Variants in FKBP15 observed in about 807,000 individuals in gnomAD.
FKBP15 encodes FK506-binding protein 15.
A neutral mutation model predicts 158.1 loss-of-function variants in FKBP15; 106 were observed. The observed-to-expected ratio is 0.67, with a 90% CI of 0.57 to 0.79. FKBP15 has a LOEUF of 0.79. Ranked by LOEUF, FKBP15 falls within the 30% of genes least tolerant of loss-of-function variation. FKBP15 has a pLI of 0.00. For missense variants in FKBP15, 1,287 were observed against 1,479.1 expected, an observed-to-expected ratio of 0.87 and a Z score of 2.13; for synonymous variants, 547 against 548.6, an observed-to-expected ratio of 1.00 and a Z score of 0.04.
chr9:113,191,690 T>A (rs1311197112), intron 11 of FKBP15, among the ~76,000 whole-genome samples: 1 of 149,216 alleles, frequency 6.7e-6, no homozygotes, highest in Non-Finnish European at 1.5e-5. Flanking sequence ...GCAAGGTGCA[T>A]TACATACAGA....
intron 14 of FKBP15, chr9:113,187,009 C>T (rs1377913464): frequency 1.3e-5 from 2 of 152,130 alleles, no homozygotes; most frequent in Admixed American, 1.3e-4. Context: ...GTAATTCTTC[C>T]TTGAAATAAG....
intron 2 of FKBP15, among the ~76,000 whole-genome samples, chr9:113,207,702 G>T (rs1391907167): frequency 1.4e-4 from 21 of 152,248 alleles, no homozygotes; most frequent in Admixed American, 5.9e-4. Context: ...AGTCAGTGTT[G>T]TAATGCTTTT....
At chr9:113,213,797 A>G (rs181158556) in intron 1 of FKBP15, among the ~76,000 whole-genome samples, 137 of 152,304 alleles carry the variant, frequency 9.0e-4, no homozygotes, top group African/African-American at 3.1e-3. Context: ...ACTGTAAAAA[A>G]TAAATTCCTT....
chr9:113,197,050 T>C lies in FKBP15; in HGVS notation c.746A>G (p.Lys249Arg). Residue 249 changes from lysine to arginine, a missense_variant, in exon 9 of 28, where the codon AAA becomes AGA. Coordinates refer to ENST00000238256, the MANE Select transcript of FKBP15 (RefSeq NM_015258.2). ...AATAAGCAATCGCTTTCCTCCTTTT[T>C]TCATGCCCAGCATTCCATCCTCCCA... is the stretch of plus-strand genomic sequence containing the variant. ...KGWEDGMLGM[K>R]KGGKRLLIVP... 1 of 1,613,902 alleles carries C rather than the reference T, an allele frequency of 6.2e-7. No individual in the cohort carries two copies.
At chr9:113,210,858 C>A (rs1230848815) in intron 2 of FKBP15, among the ~76,000 whole-genome samples, 1 of 152,196 alleles carries the variant, frequency 6.6e-6, no homozygotes, top group South Asian at 2.1e-4. Context: ...TTTCTGCCGT[C>A]GAACATCAGA....
Position 113,169,300 on chromosome 9 carries a change from C to T in FKBP15, c.3409G>A (p.Glu1137Lys), listed in dbSNP as rs1830159724. Reference protein sequence around the residue: ...DVTSSTGPHKELSSTEAGSTV... With the variant: ...DVTSSTGPHKKLSSTEAGSTV... ...GAACCTGCCTCTGTGCTTGACAGCTCCTTGTGGGGACCGGTGGAGCTAGTG... is the reference window on the plus strand; with the variant it reads ...GAACCTGCCTCTGTGCTTGACAGCTTCTTGTGGGGACCGGTGGAGCTAGTG... The change falls in exon 26 of 28, where the codon GAG (glutamate) becomes AAG (lysine). Residue 1137 changes from glutamate to lysine, a missense_variant. Physicochemically the swap from Glu to Lys is moderately conservative, Grantham distance 56. Transcript: ENST00000238256. 6.2e-7 allele frequency: 1 copy of T among 1,614,054 alleles called. No individual in the cohort carries two copies. The highest frequency in any genetic ancestry group is 8.5e-7 in the Non-Finnish European group (1 of 1,179,906).
intron 8 of FKBP15, among the ~76,000 whole-genome samples, chr9:113,197,505 T>C (rs1022000080): frequency 2.0e-5 from 3 of 152,070 alleles, no homozygotes; most frequent in African/African-American, 4.8e-5. Context: ...TCGTCTCTAC[T>C]AAAAATACAA....
At chr9:113,219,617 A>C (rs545184118) in intron 1 of FKBP15, among the ~76,000 whole-genome samples, 2 of 152,356 alleles carry the variant, frequency 1.3e-5, no homozygotes, top group South Asian at 2.1e-4. Flanking sequence ...ATCCTTGAGA[A>C]GCCTGCTCAG....
In FKBP15 at chr9:113,181,074, G is replaced by A. The variant is rs560852327; in HGVS notation, c.1914+1692C>T. Among the ~76,000 whole-genome samples, 44 of 152,274 alleles carry A rather than the reference G, an allele frequency of 2.9e-4. 1 individual carries two copies. In the South Asian group the frequency reaches 8.9e-3, roughly 31 times the overall value. On this transcript the variant is annotated intron_variant, in intron 19 of 27. Transcript: ENST00000238256. The stretch of plus-strand genomic sequence containing the variant: ...TAAAGATGATCAAGTAAAACATGTG[G>A]TACTTGGCATCCCAGTCATATGCAT...
chr9:113,184,609 A>C lies in FKBP15; in HGVS notation c.1608+86T>G, dbSNP rs558479999. 79 of 1,134,462 alleles carry C rather than the reference A, an allele frequency of 7.0e-5. No homozygotes were observed. In the African/African-American group the frequency reaches 1.2e-3, roughly 17 times the overall value. The allele number at this position is 1,134,462 out of a possible 1,614,324, so 70.3% of individuals were successfully genotyped here. ...AACCTCTCACTACTACCAATGCAGG[A>C]AATCAAAGAAGAGTTTACCTACAGT... On this transcript the variant is annotated intron_variant, in intron 16 of 27. Transcript: ENST00000238256. The surrounding 1 kb of genome is among the most constrained non-coding windows in gnomAD (Gnocchi z 4.5).
Position 113,161,841 on chromosome 9 carries a change from T to C in FKBP15, c.*4237A>G, listed in dbSNP as rs1830019258. ...CAGGACTTGCCAAAGTGGCTACACA[T>C]AGCCAAGTGAACTAGAGCTCATGTC... is the stretch of plus-strand genomic sequence containing the variant. On this transcript the variant is annotated 3_prime_UTR_variant, in exon 28 of 28. Coordinates refer to ENST00000238256, the MANE Select transcript of FKBP15 (RefSeq NM_015258.2). The C allele has an allele frequency of 1.2e-6, 1 of 868,854 alleles. No individual in the cohort carries two copies. Among genetic ancestry groups the C allele is most frequent in the African/African-American group, 1.7e-5 (1 of 60,384 alleles). The allele number at this position is 868,854 out of a possible 1,614,324, so 53.8% of individuals were successfully genotyped here.
intron 2 of FKBP15, among the ~76,000 whole-genome samples, chr9:113,209,214 T>C (rs1429800207): frequency 2.0e-5 from 3 of 152,152 alleles, no homozygotes; most frequent in Non-Finnish European, 4.4e-5. Flanking sequence ...AAGGCCGTAG[T>C]GCACTGTGAT....
At chr9:113,219,562 T>G (rs1564196312) in intron 1 of FKBP15, among the ~76,000 whole-genome samples, 1 of 152,222 alleles carries the variant, frequency 6.6e-6, no homozygotes. Flanking sequence ...AGCTGTTGTC[T>G]ATGTCTAGGA....
At chr9:113,215,542 T>C (rs966217842) in intron 1 of FKBP15, among the ~76,000 whole-genome samples, 2 of 151,038 alleles carry the variant, frequency 1.3e-5, no homozygotes, top group African/African-American at 4.9e-5. Flanking sequence ...GTTTGAAATA[T>C]TCAGAGGATA....
rs1182694253 is a variant in FKBP15 at position 113,164,931 on chromosome 9, G to A, written c.*1147C>T. ...CTCACTGCCTCCCAGGTCCGCACAC[G>A]GGAGACATATCCAAAGCCTGCAAGG... On this transcript the variant is annotated 3_prime_UTR_variant, in exon 28 of 28. Transcript: ENST00000238256. The A allele has an allele frequency of 2.6e-5, 4 of 152,206 alleles. No individual in the cohort carries two copies. The highest frequency in any genetic ancestry group is 1.9e-4 in the East Asian group (1 of 5,204). The allele number at this position is 152,206 out of a possible 1,614,324, so 9.4% of individuals were successfully genotyped here. A position where few individuals can be genotyped will look rare whatever the true frequency, so the allele number is the denominator to read the frequency against.
rs561954016 is a variant in FKBP15 at position 113,167,722 on chromosome 9, A to G, written c.3582+738T>C. Among the ~76,000 whole-genome samples, 6 of 152,292 alleles carry G rather than the reference A, an allele frequency of 3.9e-5. No homozygotes were observed. The East Asian group carries it at 7.7e-4, about 20-fold the overall frequency. On this transcript the variant is annotated intron_variant, in intron 27 of 27. Transcript: ENST00000238256. ...AGCCTGAAGCCCACCTGTGTTCTCC[A>G]TATGCATTTCAGAGCAGTCAAAATG...
rs1383978193 is a variant in FKBP15 at position 113,184,724 on chromosome 9, C to T, written c.1579G>A (p.Ala527Thr). The change falls in exon 16 of 28, where the codon GCT (alanine) becomes ACT (threonine). Residue 527 changes from alanine to threonine, a missense_variant. Transcript: ENST00000238256. The surrounding 1 kb of genome is among the most constrained non-coding windows in gnomAD (Gnocchi z 4.5). ...TEIRMAVSKV[A>T]DKMDHLMTKV... ...GTCATGAGATGATCCATTTTATCAG[C>T]CACTTTGCTGACTGCCATTCGAATT... The T allele has an allele frequency of 6.2e-7, 1 of 1,608,072 alleles. No individual in the cohort carries two copies. Among genetic ancestry groups the T allele is most frequent in the Non-Finnish European group, 8.5e-7 (1 of 1,177,104 alleles).
chr9:113,194,376 C>A (rs1380569327), intron 9 of FKBP15, among the ~76,000 whole-genome samples: 1 of 151,324 alleles, frequency 6.6e-6, no homozygotes, highest in East Asian at 1.9e-4. Flanking sequence ...TGTAACTAAC[C>A]TGCACAATGT....
chr9:113,206,713 T>A (rs1000413814), intron 3 of FKBP15, 135 bp from the exon 4 acceptor site: 3 of 36,028 alleles, frequency 8.3e-5, no homozygotes, highest in Middle Eastern at 0.012. Context: ...CGGTTTAAAA[T>A]TTTTTTTTTT....
Sources: gnomAD v4.1 joint callset for allele counts (sites outside exome capture counted in the v4.1 genomes callset) on GRCh38, gnomAD v4.1.1 for gene constraint, Gnocchi (gnomAD v3.1) non-coding constraint, MANE v1.5 for transcripts, NCBI Gene and HGNC (gene_info 2026-07-23, HGNC 2026-07-21) for gene names.